RPP30: variants seen among roughly 807,000 people sequenced by gnomAD.
RPP30 encodes the protein ribonuclease P/MRP subunit p30, also known as ribonuclease P protein subunit p30.
A neutral mutation model predicts 38.6 loss-of-function variants in RPP30; 36 were observed. The ratio of observed to expected loss-of-function variants is 0.93; its 90% CI spans 0.71 to 1.23. The LOEUF is 1.23. Ranked by LOEUF, RPP30 falls within the 50% of genes most tolerant of loss-of-function variation. The pLI is 0.00. For synonymous variants in RPP30, 126 were observed against 112.7 expected, an observed-to-expected ratio of 1.12 and a Z score of -0.75; for missense variants, 321 against 321.7, an observed-to-expected ratio of 1.00 and a Z score of 0.02.
At chr10:90,875,453 T>TA (rs1846838280) in intron 2 of RPP30, 105 bp from the exon 3 acceptor site, 2 of 885,218 alleles carry the variant, frequency 2.3e-6, no homozygotes, top group African/African-American at 1.9e-5. Flanking sequence ...TGCTTTCTTT[T>TA]TAAAAAAAAT....
chr10:90,887,310 T>C (rs1847015170), intron 6 of RPP30, among the ~76,000 whole-genome samples: 3 of 151,922 alleles, frequency 2.0e-5, no homozygotes, highest in Admixed American at 1.3e-4. Context: ...GTTCTACCCC[T>C]AAAAATATGC....
At chr10:90,903,236 G>T, downstream of RPP30, 2 of 1,610,954 alleles carry the variant, frequency 1.2e-6, no homozygotes, top group Non-Finnish European at 1.7e-6. Context: ...TCATCAGAGA[G>T]ATCATACTCC....
intron 4 of RPP30, among the ~76,000 whole-genome samples, chr10:90,878,266 A>G (rs1846877439): frequency 6.6e-6 from 1 of 152,152 alleles, no homozygotes; most frequent in Admixed American, 6.5e-5. Flanking sequence ...CTGCTCAAGC[A>G]CAGCACCTGC....
intron 1 of RPP30, among the ~76,000 whole-genome samples, chr10:90,873,500 A>G (rs1236289430): frequency 1.3e-5 from 2 of 152,216 alleles, no homozygotes; most frequent in Admixed American, 6.5e-5. Flanking sequence ...GATACAAGAA[A>G]CCAATAATAA....
intron 6 of RPP30, among the ~76,000 whole-genome samples, chr10:90,887,443 C>G (rs1470666982): frequency 6.7e-6 from 1 of 149,794 alleles, no homozygotes; most frequent in African/African-American, 2.5e-5. Context: ...AGTACAGTGG[C>G]ACGATCTCGG....
chr10:90,901,413 G>A lies in RPP30; in HGVS notation c.*734G>A, dbSNP rs1847200983. The A allele has an allele frequency of 6.1e-6, 6 of 984,860 alleles. No homozygotes were observed. Among genetic ancestry groups the A allele is most frequent in the Non-Finnish European group, 7.2e-6 (6 of 829,436 alleles). 61.0% of individuals were successfully genotyped at this position (984,860 alleles called of 1,614,324 possible). A position where few individuals can be genotyped will look rare whatever the true frequency, so the allele number is the denominator to read the frequency against. ...TCCTCTTGTTTTAAGCTTCTTTCAT[G>A]TATTCAAATCAGCATTTTTTTCTAA... On this transcript the variant is annotated 3_prime_UTR_variant, in exon 11 of 11. Coordinates refer to ENST00000371703, the MANE Select transcript of RPP30 (RefSeq NM_006413.5).
intron 9 of RPP30, 30 bp from the exon 10 acceptor site, chr10:90,896,283 C>T (rs1229085806): frequency 6.2e-7 from 1 of 1,602,588 alleles, no homozygotes; most frequent in South Asian, 1.1e-5. Flanking sequence ...TTGGGTGACT[C>T]TGGGTTGAAA....
At chr10:90,875,428 T>A in intron 2 of RPP30, 130 bp from the exon 3 acceptor site, 1 of 699,996 alleles carries the variant, frequency 1.4e-6, no homozygotes, top group Non-Finnish European at 2.4e-6. Flanking sequence ...TTTTTTTGAA[T>A]ACCAGAAATC....
At chr10:90,902,658 A>G (rs1564570661), downstream of RPP30, among the ~76,000 whole-genome samples, 1 of 152,358 alleles carries the variant, frequency 6.6e-6, no homozygotes, top group Admixed American at 6.5e-5. Flanking sequence ...AATGACAACA[A>G]TAAAAACCCA....
chr10:90,898,595 A>G (rs914616981), intron 10 of RPP30, among the ~76,000 whole-genome samples: 1 of 152,174 alleles, frequency 6.6e-6, no homozygotes, highest in Non-Finnish European at 1.5e-5. Flanking sequence ...ACACTATTGG[A>G]AAATGTCTAC....
intron 1 of RPP30, among the ~76,000 whole-genome samples, 160 bp from the exon 2 acceptor site, chr10:90,874,709 G>A (rs1846827819): frequency 1.3e-5 from 2 of 152,180 alleles, no homozygotes; most frequent in African/African-American, 4.8e-5. Context: ...GTAAGTGGTA[G>A]TGCATAGACT....
intron 1 of RPP30, among the ~76,000 whole-genome samples, chr10:90,874,404 AGAAAT>A (rs1368530338): frequency 6.6e-6 from 1 of 152,222 alleles, no homozygotes; most frequent in East Asian, 1.9e-4. Context: ...AAAAAGCAAA[AGAAAT>A]GAACGGGAAT....
In RPP30 at chr10:90,901,700, G is replaced by A; in HGVS notation, c.*1021G>A. 1 of 983,376 alleles carries A rather than the reference G, an allele frequency of 1.0e-6. No homozygotes were observed. Among genetic ancestry groups the A allele is most frequent in the Non-Finnish European group, 1.2e-6 (1 of 828,124 alleles). The allele number at this position is 983,376 out of a possible 1,614,324, so 60.9% of individuals were successfully genotyped here. On this transcript the variant is annotated 3_prime_UTR_variant, in exon 11 of 11. Coordinates refer to ENST00000371703, the MANE Select transcript of RPP30 (RefSeq NM_006413.5). ...GAAGTAGCTTTTTATGCAAATACAT[G>A]CATTTATGCAATATTAATGTAAGGG...
chr10:90,898,763 C>T (rs943737081), intron 10 of RPP30, among the ~76,000 whole-genome samples: 3 of 152,094 alleles, frequency 2.0e-5, no homozygotes, highest in African/African-American at 7.2e-5. Flanking sequence ...TTTGGGGGTC[C>T]AGAAATCTAG....
At chr10:90,904,432 G>A (rs1847232204), downstream of RPP30, among the ~76,000 whole-genome samples, 1 of 152,160 alleles carries the variant, frequency 6.6e-6, no homozygotes, top group African/African-American at 2.4e-5. Flanking sequence ...CGCTTCATCT[G>A]TTCTCCCTAC....
intron 10 of RPP30, among the ~76,000 whole-genome samples, chr10:90,899,849 A>G (rs1158370478): frequency 6.6e-6 from 1 of 152,322 alleles, no homozygotes; most frequent in East Asian, 1.9e-4. Context: ...AGGGAAAAGC[A>G]CTGTCTGTTA....
intron 5 of RPP30, among the ~76,000 whole-genome samples, chr10:90,883,289 C>CAAA (rs35852982): frequency 8.4e-6 from 1 of 119,322 alleles, no homozygotes; most frequent in Admixed American, 8.3e-5. Context: ...AGTCTCTGGC[C>CAAA]AAAAAAAAAA....
intron 7 of RPP30, chr10:90,895,107 A>G: frequency 1.7e-6 from 1 of 592,700 alleles, no homozygotes; most frequent in Non-Finnish European, 3.0e-6. Flanking sequence ...TGGAAGCCAT[A>G]TCTTTTGATA....
intron 5 of RPP30, among the ~76,000 whole-genome samples, chr10:90,884,012 C>T (rs1846966322): frequency 6.6e-6 from 1 of 151,944 alleles, no homozygotes; most frequent in Non-Finnish European, 1.5e-5. Context: ...CTTACAGTTT[C>T]TTAGAGGTTG....
Sources: allele counts gnomAD v4.1 joint callset (sites outside exome capture counted in the v4.1 genomes callset), GRCh38; gene constraint gnomAD v4.1.1; transcripts MANE v1.5; gene names NCBI Gene and HGNC (gene_info 2026-07-23, HGNC 2026-07-21).